Variants in DLG2 observed in about 807,000 individuals in gnomAD.
The protein encoded by DLG2 is disks large homolog 2.
In DLG2, 45 loss-of-function variants were observed where a neutral mutation model predicts 132.5. The ratio of observed to expected loss-of-function variants is 0.34; its 90% CI spans 0.27 to 0.44. DLG2 has a LOEUF of 0.44. Among genes scored for constraint, DLG2 ranks in the 20% least tolerant of loss-of-function variants. The probability of loss-of-function intolerance (pLI) is 1.00; values close to 1 mark genes in which losing one functional copy is unlikely to be tolerated. For synonymous variants in DLG2, 424 were observed against 419.6 expected (o/e 1.01, Z -0.13); for missense variants, 1,045 against 1,196.9 (o/e 0.87, Z 1.87).
chr11:84,981,808 C>A (rs886181194), intron 6 of DLG2, among the ~76,000 whole-genome samples: 2 of 152,078 alleles, frequency 1.3e-5, no homozygotes, highest in African/African-American at 4.8e-5. Context: ...TTCACTGTTT[C>A]TACTTCCTCA....
In DLG2 at chr11:85,445,074, A is replaced by C. The variant is rs559928933; in HGVS notation, c.40+153583T>G. ...AAATCTGGGGAATAAAAGTGTACTAAAACAATGATAGACCAACATCTACAA... is the reference window on the plus strand; with the variant it reads ...AAATCTGGGGAATAAAAGTGTACTACAACAATGATAGACCAACATCTACAA... On this transcript the variant is annotated intron_variant, in intron 3 of 27. Transcript: ENST00000376104. Among the ~76,000 whole-genome samples the C allele has an allele frequency of 1.6e-3, 242 of 152,350 alleles. 2 individuals are homozygous for C. The highest frequency in any genetic ancestry group is 5.7e-3 in the African/African-American group (236 of 41,582).
intron 6 of DLG2, among the ~76,000 whole-genome samples, chr11:84,950,945 C>T (rs2050835990): frequency 6.6e-6 from 1 of 152,086 alleles, no homozygotes; most frequent in Admixed American, 6.5e-5. Flanking sequence ...TAATTATTTA[C>T]TTTAAATCTA....
At chr11:85,262,868 G>A (rs1565232613) in intron 4 of DLG2, among the ~76,000 whole-genome samples, 1 of 152,106 alleles carries the variant, frequency 6.6e-6, no homozygotes, top group African/African-American at 2.4e-5. Flanking sequence ...CATTTGGTCC[G>A]GGAACAGCCA....
chr11:85,541,877 A>C (rs1260219429), intron 3 of DLG2, among the ~76,000 whole-genome samples: 1 of 152,220 alleles, frequency 6.6e-6, no homozygotes, highest in African/African-American at 2.4e-5. Flanking sequence ...CAAGGAATTT[A>C]ATTCAAATGC....
intron 4 of DLG2, among the ~76,000 whole-genome samples, chr11:85,189,217 CA>C (rs2080341839): frequency 1.3e-5 from 2 of 152,014 alleles, no homozygotes; most frequent in South Asian, 4.1e-4. Context: ...AAAACAAAAA[CA>C]AAACCTGTCA....
At chr11:84,975,633 T>G (rs2054790511) in intron 6 of DLG2, among the ~76,000 whole-genome samples, 1 of 149,246 alleles carries the variant, frequency 6.7e-6, no homozygotes, top group Non-Finnish European at 1.5e-5. Context: ...AGCCACTATT[T>G]ATTCAGAATT....
intron 21 of DLG2, among the ~76,000 whole-genome samples, chr11:83,488,462 G>A (rs980071894): frequency 1.3e-5 from 2 of 151,738 alleles, no homozygotes; most frequent in Non-Finnish European, 2.9e-5. Context: ...CATGAAAGAA[G>A]GAAACAAAAC....
intron 2 of DLG2, among the ~76,000 whole-genome samples, chr11:85,613,255 T>A (rs2081124407): frequency 6.6e-6 from 1 of 152,182 alleles, no homozygotes. Context: ...CCGATGGTCT[T>A]ACAAATGGAA....
At chr11:84,864,467 A>G (rs1375572957) in intron 6 of DLG2, among the ~76,000 whole-genome samples, 1 of 152,042 alleles carries the variant, frequency 6.6e-6, no homozygotes, top group Non-Finnish European at 1.5e-5. Context: ...TCTTTGTTGG[A>G]TTCTACATCA....
chr11:85,069,353 G>A (rs1216847733), intron 6 of DLG2, among the ~76,000 whole-genome samples: 1 of 152,126 alleles, frequency 6.6e-6, no homozygotes, highest in Admixed American at 6.5e-5. Context: ...ACTACCATCA[G>A]AGTGAACAGG....
At chr11:83,761,624 T>A (rs1380144856) in intron 18 of DLG2, among the ~76,000 whole-genome samples, 2 of 152,168 alleles carry the variant, frequency 1.3e-5, no homozygotes, top group East Asian at 3.9e-4. Flanking sequence ...ACATCATATC[T>A]CAGGTCCTAG....
At chr11:83,479,072 TTTC>T (rs2092872288) in intron 22 of DLG2, among the ~76,000 whole-genome samples, 1 of 152,074 alleles carries the variant, frequency 6.6e-6, no homozygotes, top group African/African-American at 2.4e-5. Flanking sequence ...ATTGATGGAA[TTTC>T]TTCTATCAAT....
chr11:85,345,262 T>C (rs2082752706), intron 3 of DLG2, among the ~76,000 whole-genome samples: 1 of 152,136 alleles, frequency 6.6e-6, no homozygotes, highest in Admixed American at 6.5e-5. Flanking sequence ...ATCAATAGCT[T>C]TTGTGGAAGT....
rs763133464 is a variant in DLG2 at position 83,455,380 on chromosome 11, A to G, written c.*4438T>C. ...AGCACAAAACTGTCATATTGAAAGG[A>G]TCTAACGGGTACAGCCTGGTGCACT... On this transcript the variant is annotated 3_prime_UTR_variant, in exon 28 of 28. Transcript: ENST00000376104. 1 of 152,504 alleles carries G rather than the reference A, an allele frequency of 6.6e-6. No individual in the cohort carries two copies. Among genetic ancestry groups the G allele is most frequent in the Non-Finnish European group, 1.5e-5 (1 of 68,054 alleles). The allele number at this position is 152,504 out of a possible 1,614,324, so 9.4% of individuals were successfully genotyped here.
At chr11:84,676,133 A>G (rs572392978) in intron 6 of DLG2, among the ~76,000 whole-genome samples, 2 of 152,196 alleles carry the variant, frequency 1.3e-5, no homozygotes, top group South Asian at 4.1e-4. Context: ...CAGTTTCCAG[A>G]ATAAATATGA....
At chr11:83,497,109 C>T (rs1311793487) in intron 21 of DLG2, among the ~76,000 whole-genome samples, 1 of 152,188 alleles carries the variant, frequency 6.6e-6, no homozygotes, top group African/African-American at 2.4e-5. Context: ...TCAATACTCA[C>T]TGAATGAATG....
intron 7 of DLG2, among the ~76,000 whole-genome samples, chr11:84,362,954 G>C (rs1178232275): frequency 4.6e-5 from 7 of 151,990 alleles, no homozygotes; most frequent in Admixed American, 3.9e-4. Context: ...ATTGTGAATA[G>C]TGCTGCAATA....
chr11:84,953,112 C>G (rs2051177538), intron 6 of DLG2, among the ~76,000 whole-genome samples: 2 of 152,132 alleles, frequency 1.3e-5, no homozygotes, highest in South Asian at 2.1e-4. Flanking sequence ...TGGCTGTAGT[C>G]TCACACCCAT....
At chr11:83,887,053 G>A (rs2068105376) in intron 15 of DLG2, among the ~76,000 whole-genome samples, 1 of 152,062 alleles carries the variant, frequency 6.6e-6, no homozygotes, top group Non-Finnish European at 1.5e-5. Context: ...AAAAGCAAGA[G>A]CAAACACATT....
Sources: gnomAD v4.1 joint callset for allele counts (sites outside exome capture counted in the v4.1 genomes callset) on GRCh38, gnomAD v4.1.1 for gene constraint, MANE v1.5 for transcripts, NCBI Gene and HGNC (gene_info 2026-07-23, HGNC 2026-07-21) for gene names.